TUSC3: variants seen among roughly 807,000 people sequenced by gnomAD.
The protein encoded by TUSC3 is dolichyl-diphosphooligosaccharide--protein glycosyltransferase subunit TUSC3.
TUSC3 carries 45 observed loss-of-function variants against 44.8 expected under a neutral mutation model. The ratio of observed to expected loss-of-function variants is 1.00; its 90% confidence interval spans 0.79 to 1.29. The LOEUF is 1.29. TUSC3 is among the 50% of genes most tolerant of loss of function. TUSC3 has a pLI of 0.00. For missense variants in TUSC3, 519 were observed against 437.9 expected, an observed-to-expected ratio of 1.19 and a Z score of -1.65; for synonymous variants, 212 against 152.9, an observed-to-expected ratio of 1.39 and a Z score of -2.85.
intron 1 of TUSC3, among the ~76,000 whole-genome samples, chr8:15,477,970 A>G (rs751348887): frequency 6.6e-6 from 1 of 152,020 alleles, no homozygotes; most frequent in Non-Finnish European, 1.5e-5. Context: ...AAGTAATTTT[A>G]TGTTTTTGAC....
intron 2 of TUSC3, among the ~76,000 whole-genome samples, chr8:15,500,343 G>T (rs370570370): frequency 6.6e-6 from 1 of 152,130 alleles, no homozygotes; most frequent in African/African-American, 2.4e-5. Flanking sequence ...ATTATTTTAT[G>T]TTACTTGTTT....
chr8:15,433,359 A>C (rs922114571), intron 1 of TUSC3, among the ~76,000 whole-genome samples: 4 of 152,164 alleles, frequency 2.6e-5, no homozygotes, highest in African/African-American at 7.2e-5. Context: ...TTTTTTAAAA[A>C]TTTTTCTTCT....
At chr8:15,581,661 G>T (rs954763627) in intron 1 of TUSC3, among the ~76,000 whole-genome samples, 3 of 149,390 alleles carry the variant, frequency 2.0e-5, no homozygotes, top group Non-Finnish European at 4.4e-5. Context: ...CACTTGAGGA[G>T]GCAGTCTGCC....
intron 1 of TUSC3, among the ~76,000 whole-genome samples, chr8:15,594,474 G>A (rs1803983445): frequency 6.6e-6 from 1 of 151,982 alleles, no homozygotes; most frequent in African/African-American, 2.4e-5. Flanking sequence ...GCATTTTGTT[G>A]GATACTGGAT....
chr8:15,786,783 A>G, the TUSC3 span, among the ~76,000 whole-genome samples: 1 of 151,530 alleles, frequency 6.6e-6, no homozygotes, highest in African/African-American at 2.4e-5. Context: ...CTCTGCTAAA[A>G]ATTAAAAAAA....
the TUSC3 span, among the ~76,000 whole-genome samples, chr8:15,829,540 G>T: frequency 6.7e-6 from 1 of 149,650 alleles, no homozygotes. Flanking sequence ...GATATAAGTT[G>T]CAAAGGTCTC....
chr8:15,801,692 GGGCTGGGTGT>G, the TUSC3 span, among the ~76,000 whole-genome samples: 1 of 152,138 alleles, frequency 6.6e-6, no homozygotes, highest in South Asian at 2.1e-4. Context: ...GAGCTGTATG[GGGCTGGGTGT>G]GGCAGTCCAT....
intron 5 of TUSC3, among the ~76,000 whole-genome samples, chr8:15,664,186 A>C (rs2129180686): frequency 6.6e-6 from 1 of 151,834 alleles, no homozygotes; most frequent in Admixed American, 6.6e-5. Context: ...AACTTGTAGA[A>C]GCTTACAAAG....
At chr8:15,794,760 C>G in the TUSC3 span, among the ~76,000 whole-genome samples, 103,880 of 151,666 alleles carry the variant, frequency 0.68, 35,672 homozygotes, top group African/African-American at 0.72. Context: ...ATAGTAAGCA[C>G]ATTTGCCCTT....
chr8:15,728,639 A>G (rs1810593713), intron 6 of TUSC3, among the ~76,000 whole-genome samples: 1 of 152,140 alleles, frequency 6.6e-6, no homozygotes, highest in African/African-American at 2.4e-5. Context: ...AGAAAGGGAT[A>G]TCAGGAGTTT....
chr8:15,592,000 A>G lies in TUSC3; in HGVS notation c.139-31080A>G, dbSNP rs56713315. Among the ~76,000 whole-genome samples the G allele has an allele frequency of 3.6e-3, 553 of 152,278 alleles. 7 individuals are homozygous for G. In the East Asian group the frequency reaches 0.04, roughly 11 times the overall value. On this transcript the variant is annotated intron_variant, in intron 1 of 10. Coordinates refer to ENST00000503731, the MANE Select transcript of TUSC3 (RefSeq NM_006765.4). ...TGGGGAAAGCCTTCAGGAGGCAGCT[A>G]TAGTAGTCTAGGTAAGAGATATTGA...
chr8:15,590,875 T>C (rs1402939155), intron 1 of TUSC3, among the ~76,000 whole-genome samples: 1 of 152,074 alleles, frequency 6.6e-6, no homozygotes, highest in Admixed American at 6.6e-5. Context: ...AGTTTTGCTA[T>C]GTTGCCCAGG....
chr8:15,764,056 C>T, intron 10 of TUSC3, 147 bp from the exon 11 acceptor site: 1 of 808,328 alleles, frequency 1.2e-6, no homozygotes, highest in Non-Finnish European at 1.9e-6. Context: ...AGAAAAATTG[C>T]CCTGATGTAA....
chr8:15,423,969 G>GTTTTTTTTT lies in TUSC3; in HGVS notation n.91+6694_91+6702dup, dbSNP rs112397215. 8.4e-4 allele frequency among the ~76,000 whole-genome samples: 59 copies of GTTTTTTTTT among 70,374 alleles called. 4 individuals carry two copies. Among genetic ancestry groups the GTTTTTTTTT allele is most frequent in the Admixed American group, 1.7e-3 (8 of 4,820 alleles). The allele number at this position is 70,374 out of a possible 152,430, so 46.2% of individuals were successfully genotyped here. Reference sequence around the variant, plus strand: ...TACAGCATTCATACTGTTTTGCTTTGTTTTTTTTTTTTTTTTTTTTTTTTT... The same window carrying GTTTTTTTTT: ...TACAGCATTCATACTGTTTTGCTTTGTTTTTTTTTTTTTTTTTTTTTTTTTTTTTTTTTT... On this transcript the variant is annotated intron_variant and non_coding_transcript_variant, in intron 1 of 5. Coordinates refer to the TUSC3 transcript ENST00000503191.
At position 15,662,440 on chromosome 8, in the gene TUSC3, A is replaced by G; in HGVS notation, c.708+144A>G. ...TAACTTTTTAGAACTTGGATAATTT[A>G]GTTTGAGTTTTCTGTCAATCAAAAC... On this transcript the variant is annotated intron_variant, in intron 5 of 10. Coordinates refer to ENST00000503731, the MANE Select transcript of TUSC3 (RefSeq NM_006765.4). The G allele has an allele frequency of 3.4e-6, 4 of 1,183,578 alleles. No homozygotes were observed. The South Asian group carries it at 5.6e-5, about 16-fold the overall frequency. The allele number at this position is 1,183,578 out of a possible 1,614,324, so 73.3% of individuals were successfully genotyped here.
chr8:15,737,237 T>C (rs1169178212), intron 7 of TUSC3, among the ~76,000 whole-genome samples: 1 of 152,108 alleles, frequency 6.6e-6, no homozygotes, highest in Non-Finnish European at 1.5e-5. Context: ...TTTAAGTAAG[T>C]CTTCTATAAT....
At chr8:15,623,032 A>G (rs758144584) in intron 1 of TUSC3, 48 bp from the exon 2 acceptor site, 8 of 1,586,304 alleles carry the variant, frequency 5.0e-6, no homozygotes, top group African/African-American at 2.7e-5. Flanking sequence ...AATTCAAACA[A>G]AAGGACTTTG....
the TUSC3 span, among the ~76,000 whole-genome samples, chr8:15,771,828 C>T: frequency 1.3e-5 from 2 of 152,150 alleles, no homozygotes; most frequent in Non-Finnish European, 2.9e-5. Flanking sequence ...GTGGCTCACG[C>T]CTGTAATCCC....
intron 2 of TUSC3, among the ~76,000 whole-genome samples, chr8:15,638,515 C>CTTTTTTTTTTTTTTTTTT (rs547743726): frequency 1.1e-3 from 87 of 81,076 alleles, no homozygotes; most frequent in Non-Finnish European, 1.5e-3. Context: ...TTCTTTTTTT[C>CTTTTTTTTTTTTTTTTTT]TTTTTTTTTT....
Sources: allele counts gnomAD v4.1 joint callset (sites outside exome capture counted in the v4.1 genomes callset), GRCh38; gene constraint gnomAD v4.1.1; transcripts MANE v1.5; gene names NCBI Gene and HGNC (gene_info 2026-07-23, HGNC 2026-07-21).